SIN3A: variants seen among roughly 807,000 people sequenced by gnomAD.
SIN3A encodes paired amphipathic helix protein Sin3a.
A neutral mutation model predicts 146.1 loss-of-function variants in SIN3A; 14 were observed. The ratio of observed to expected loss-of-function variants is 0.10; its 90% CI spans 0.06 to 0.15. The LOEUF is 0.15. Among genes scored for constraint, SIN3A ranks in the 10% least tolerant of loss-of-function variants. The probability of loss-of-function intolerance (pLI) is 1.00; values close to 1 mark genes in which losing one functional copy is unlikely to be tolerated. For synonymous variants in SIN3A, 572 were observed against 572.0 expected (o/e 1.00, Z 0.00); for missense variants, 1,028 against 1,576.0 (o/e 0.65, Z 5.89).
chr15:75,433,826 A>G (rs1021862213), intron 1 of SIN3A, among the ~76,000 whole-genome samples: 1 of 152,002 alleles, frequency 6.6e-6, no homozygotes, highest in African/African-American at 2.4e-5. Flanking sequence ...ACAACAACAA[A>G]CAAACAAACA....
intron 8 of SIN3A, among the ~76,000 whole-genome samples, chr15:75,409,597 T>A (rs949081121): frequency 7.3e-5 from 11 of 150,104 alleles, no homozygotes; most frequent in Non-Finnish European, 4.4e-5. Context: ...TATGGTGGCA[T>A]GCGCCTGTAG....
intron 16 of SIN3A, among the ~76,000 whole-genome samples, chr15:75,387,728 G>GA (rs1397446757): frequency 6.6e-6 from 1 of 152,016 alleles, no homozygotes; most frequent in East Asian, 1.9e-4. Flanking sequence ...CTGGTGGTAT[G>GA]AAAGACTTCG....
chr15:75,418,194 G>A (rs1013940075), intron 3 of SIN3A, among the ~76,000 whole-genome samples: 1 of 151,850 alleles, frequency 6.6e-6, no homozygotes, highest in African/African-American at 2.4e-5. Context: ...ACCACGCCCA[G>A]CTAATTTTTG....
At chr15:75,383,895 T>G (rs1309615225) in intron 17 of SIN3A, 1 of 153,492 alleles carries the variant, frequency 6.5e-6, no homozygotes, top group Non-Finnish European at 1.4e-5. Context: ...AGATTACAAG[T>G]GTGAGCCATG....
chr15:75,378,097 T>C (rs576270250), intron 19 of SIN3A, among the ~76,000 whole-genome samples: 12 of 152,332 alleles, frequency 7.9e-5, no homozygotes, highest in African/African-American at 2.4e-4. Flanking sequence ...CTGTAAAATA[T>C]ATCAACATTT....
chr15:75,396,387 T>C lies in SIN3A; in HGVS notation c.1964A>G (p.Asn655Ser), dbSNP rs745540120. ...GACTTCTGATGTGCCCCCAAGGGTG[T>C]TGTCCAAGCGAAATTTGGCTTGTTC... Reference protein sequence around the residue: ...AEEQAKFRLDNTLGGTSEVIH... With the variant: ...AEEQAKFRLDSTLGGTSEVIH... Residue 655 changes from asparagine (N) to serine (S), a missense_variant, in exon 13 of 21, where the codon AAC (asparagine) becomes AGC (serine). Physicochemically the swap from Asn to Ser is conservative, Grantham distance 46. Around this residue, in one of 9 missense-constraint regions of SIN3A, gnomAD observed 157 missense variants for 284.8 expected, o/e 0.55. Transcript: ENST00000394947. 18 of 1,614,174 alleles carry C rather than the reference T, an allele frequency of 1.1e-5. No individual in the cohort carries two copies. The highest frequency in any genetic ancestry group is 1.4e-5 in the Non-Finnish European group (17 of 1,180,026).
rs1315133550 is a variant in SIN3A at position 75,369,456 on chromosome 15, G to A, written c.*2523C>T. On this transcript the variant is annotated 3_prime_UTR_variant, in exon 21 of 21. Coordinates refer to ENST00000394947, the MANE Select transcript of SIN3A (RefSeq NM_001145358.2). ...GCAGATCACACGGAAAGGTGACTAA[G>A]TACAGAATAACAAATGTGATTTAAA... 2.6e-5 allele frequency: 4 copies of A among 152,206 alleles called. No homozygotes were observed. The highest frequency in any genetic ancestry group is 3.8e-4 in the East Asian group (2 of 5,206). 9.4% of individuals were successfully genotyped at this position (152,206 alleles called of 1,614,324 possible). A position where few individuals can be genotyped will look rare whatever the true frequency, so the allele number is the denominator to read the frequency against.
chr15:75,418,697 T>C (rs1227992910), intron 3 of SIN3A, among the ~76,000 whole-genome samples: 2 of 152,120 alleles, frequency 1.3e-5, no homozygotes, highest in African/African-American at 4.8e-5. Context: ...ATTTAGATTA[T>C]ACAGTCTCAG....
At chr15:75,413,940 T>C (rs1319504477) in intron 4 of SIN3A, among the ~76,000 whole-genome samples, 3 of 152,174 alleles carry the variant, frequency 2.0e-5, no homozygotes, top group Non-Finnish European at 2.9e-5. Context: ...AGAAACCAAG[T>C]AGCCTAAATC....
rs150154272 is a variant in SIN3A at position 75,407,101 on chromosome 15, T to A, written c.1361A>T (p.Asp454Val). The part of the protein sequence containing the change: ...LLNLKDSSMA[D>V]ASKHGGGTES... ...TGTTCCACCACCATGTTTGCTGGCA[T>A]CTGCCATAGAAGAATCCTTCAGATT... The change falls in exon 9 of 21, where the codon GAT becomes GTT. Residue 454 changes from aspartate to valine, a missense_variant. By Grantham distance (152) the Asp-to-Val change is radical. Coordinates refer to ENST00000394947, the MANE Select transcript of SIN3A (RefSeq NM_001145358.2). The A allele has an allele frequency of 1.9e-6, 3 of 1,613,202 alleles. No homozygotes were observed. Among genetic ancestry groups the A allele is most frequent in the African/African-American group, 2.7e-5 (2 of 74,944 alleles).
intron 1 of SIN3A, among the ~76,000 whole-genome samples, chr15:75,434,675 G>A (rs751614721): frequency 1.5e-4 from 23 of 149,402 alleles, no homozygotes; most frequent in Non-Finnish European, 3.1e-4. Flanking sequence ...AAGGTCAGGC[G>A]CCGTGGCTCA....
chr15:75,419,965 C>G (rs2073812118), intron 3 of SIN3A: 1 of 152,096 alleles, frequency 6.6e-6, no homozygotes, highest in Non-Finnish European at 1.5e-5. Context: ...TAGTCCAACT[C>G]TTATATAAAC....
At position 75,389,639 on chromosome 15, in the gene SIN3A, T is replaced by G; in HGVS notation, c.3021+13A>C. The G allele has an allele frequency of 1.2e-6, 2 of 1,613,850 alleles. No individual in the cohort carries two copies. ...TCTTCCCTTACTCACCCTAGCCTCC[T>G]CCATGCCCTCACCTGTCTGACAATG... On this transcript the variant is annotated intron_variant, in intron 16 of 20. Transcript: ENST00000394947.
At chr15:75,428,656 C>T (rs543781535) in intron 2 of SIN3A, among the ~76,000 whole-genome samples, 4 of 152,216 alleles carry the variant, frequency 2.6e-5, no homozygotes, top group Non-Finnish European at 4.4e-5. Flanking sequence ...TGCACCATTA[C>T]GCCCTGCTAA....
At chr15:75,437,363 C>T (rs963550234) in intron 1 of SIN3A, among the ~76,000 whole-genome samples, 1 of 152,032 alleles carries the variant, frequency 6.6e-6, no homozygotes, top group Non-Finnish European at 1.5e-5. Context: ...GACAGGGTCT[C>T]GATATGCTGC....
intron 3 of SIN3A, among the ~76,000 whole-genome samples, chr15:75,416,557 C>A (rs879306781): frequency 1.3e-5 from 2 of 152,164 alleles, no homozygotes; most frequent in Admixed American, 6.5e-5. Flanking sequence ...AACTCCTGAC[C>A]ACAAGTGATC....
intron 14 of SIN3A, 30 bp from the exon 15 acceptor site, chr15:75,392,845 G>T: frequency 6.7e-7 from 1 of 1,496,154 alleles, no homozygotes; most frequent in Non-Finnish European, 9.2e-7. Flanking sequence ...AAAGTATTCT[G>T]TGAGATGTCT....
Position 75,414,256 on chromosome 15 carries a change from G to T in SIN3A, c.422C>A (p.Pro141His). 6.4e-7 allele frequency: 1 copy of T among 1,556,950 alleles called. No individual in the cohort carries two copies. The highest frequency in any genetic ancestry group is 8.7e-7 in the Non-Finnish European group (1 of 1,143,772). ...DQVKLQFGSQPQVYNDFLDIM... is the reference protein window; with the variant it reads ...DQVKLQFGSQHQVYNDFLDIM... ...GTCAAGGAAATCATTGTAGACCTGA[G>T]GCTGACTACCAAACTGCAGCTTCAC... Residue 141 changes from proline to histidine, a missense_variant, in exon 4 of 21, where the codon CCT becomes CAT. Transcript: ENST00000394947.
At chr15:75,375,953 T>C in intron 19 of SIN3A, 81 bp from the exon 20 acceptor site, 1 of 1,371,764 alleles carries the variant, frequency 7.3e-7, no homozygotes, top group Non-Finnish European at 1.0e-6. Flanking sequence ...TTTTCTTTAT[T>C]ATATGCTTGC....
Sources: gnomAD v4.1 joint callset for allele counts (sites outside exome capture counted in the v4.1 genomes callset) on GRCh38, gnomAD v4.1.1 for gene constraint, gnomAD v4.1.1 regional missense constraint, MANE v1.5 for transcripts, NCBI Gene and HGNC (gene_info 2026-07-23, HGNC 2026-07-21) for gene names.